Variants in SLC9A9 observed in about 807,000 individuals in gnomAD.
SLC9A9 encodes the protein sodium/hydrogen exchanger 9.
SLC9A9 carries 62 observed loss-of-function variants against 77.8 expected under a neutral mutation model. That is an observed-to-expected ratio of 0.80 (90% confidence interval 0.65 to 0.98). The LOEUF is 0.98. Among genes scored for constraint, SLC9A9 ranks in the 50% least tolerant of loss-of-function variants. The probability of loss-of-function intolerance (pLI) is 0.00; values close to 1 mark genes in which losing one functional copy is unlikely to be tolerated. For synonymous variants in SLC9A9, 320 were observed against 283.5 expected (o/e 1.13, Z -1.29); for missense variants, 775 against 774.9 (o/e 1.00, Z 0.00).
At chr3:143,355,317 C>G (rs1468027062) in intron 14 of SLC9A9, among the ~76,000 whole-genome samples, 1 of 152,128 alleles carries the variant, frequency 6.6e-6, no homozygotes, top group African/African-American at 2.4e-5. Flanking sequence ...TACATGATGC[C>G]TGTCTTTAAG....
chr3:143,658,995 A>G (rs1387228649), intron 5 of SLC9A9, among the ~76,000 whole-genome samples: 4 of 152,220 alleles, frequency 2.6e-5, no homozygotes, highest in South Asian at 4.1e-4. Context: ...GAACATAAAC[A>G]TTTAACAAAG....
chr3:143,460,188 G>A (rs533908706), intron 12 of SLC9A9, among the ~76,000 whole-genome samples: 18 of 152,184 alleles, frequency 1.2e-4, no homozygotes, highest in African/African-American at 4.1e-4. Context: ...GAAACAAAAC[G>A]AAAACTCACC....
intron 5 of SLC9A9, among the ~76,000 whole-genome samples, chr3:143,656,245 G>A (rs1320623012): frequency 6.6e-6 from 1 of 152,178 alleles, no homozygotes; most frequent in East Asian, 1.9e-4. Flanking sequence ...GAGAAAAACT[G>A]TAACACTAAA....
chr3:143,600,535 G>A (rs1048404105), intron 6 of SLC9A9, among the ~76,000 whole-genome samples: 3 of 152,138 alleles, frequency 2.0e-5, no homozygotes, highest in African/African-American at 7.2e-5. Flanking sequence ...TGGGTAAGTT[G>A]AGCTTTAAAG....
chr3:143,776,286 AAC>A (rs1404628189), intron 4 of SLC9A9, among the ~76,000 whole-genome samples: 6 of 152,232 alleles, frequency 3.9e-5, no homozygotes, highest in Admixed American at 2.0e-4. Context: ...GGTCATTATT[AAC>A]AGTACTCTTA....
At chr3:143,426,830 G>A (rs56078024) in intron 12 of SLC9A9, among the ~76,000 whole-genome samples, 13,071 of 152,218 alleles carry the variant, frequency 0.086, 743 homozygotes, top group South Asian at 0.17. Flanking sequence ...ATCCTCACAA[G>A]GACCCTCTGA....
chr3:143,791,886 A>G (rs551508178), intron 4 of SLC9A9, among the ~76,000 whole-genome samples: 101 of 152,356 alleles, frequency 6.6e-4, no homozygotes, highest in African/African-American at 2.3e-3. Context: ...TCCTACTGGG[A>G]TAATGAAGAA....
intron 5 of SLC9A9, among the ~76,000 whole-genome samples, chr3:143,654,074 T>C (rs2038845605): frequency 6.6e-6 from 1 of 152,218 alleles, no homozygotes; most frequent in Admixed American, 6.5e-5. Context: ...TTGTACAACA[T>C]GTGACTATAT....
intron 14 of SLC9A9, among the ~76,000 whole-genome samples, chr3:143,352,393 C>T (rs908639531): frequency 6.6e-6 from 1 of 152,090 alleles, no homozygotes; most frequent in Non-Finnish European, 1.5e-5. Context: ...TGTTTATAGG[C>T]GACAGGTCAG....
intron 4 of SLC9A9, among the ~76,000 whole-genome samples, chr3:143,704,510 C>T (rs200221110): frequency 6.6e-6 from 1 of 152,116 alleles, no homozygotes; most frequent in African/African-American, 2.4e-5. Flanking sequence ...GCATTTGATA[C>T]AGCTTAACAT....
chr3:143,825,355 G>A (rs2009271753), intron 2 of SLC9A9, among the ~76,000 whole-genome samples: 1 of 150,086 alleles, frequency 6.7e-6, no homozygotes, highest in Non-Finnish European at 1.5e-5. Flanking sequence ...AAATATATGA[G>A]AATTAAAACT....
At chr3:143,713,475 C>T (rs1934250189) in intron 4 of SLC9A9, among the ~76,000 whole-genome samples, 1 of 152,120 alleles carries the variant, frequency 6.6e-6, no homozygotes, top group African/African-American at 2.4e-5. Context: ...AGGATTTAAT[C>T]TATGTTGCTC....
chr3:143,473,933 A>C (rs560489787), intron 11 of SLC9A9, among the ~76,000 whole-genome samples: 1 of 152,328 alleles, frequency 6.6e-6, no homozygotes, highest in Admixed American at 6.5e-5. Flanking sequence ...CCTTAATTTA[A>C]AGGTGTTTCT....
chr3:143,834,157 T>C (rs970084418), intron 1 of SLC9A9, among the ~76,000 whole-genome samples: 1 of 152,206 alleles, frequency 6.6e-6, no homozygotes, highest in African/African-American at 2.4e-5. Context: ...CTTCAGTGTT[T>C]GGCTGACTCC....
intron 14 of SLC9A9, among the ~76,000 whole-genome samples, chr3:143,285,924 A>AGGTTCTATTCATGAGCC (rs1938368044): frequency 6.6e-6 from 1 of 152,084 alleles, no homozygotes; most frequent in African/African-American, 2.4e-5. Context: ...AGTTTTGAGG[A>AGGTTCTATTCATGAGCC]GGTTCTATTC....
At chr3:143,648,390 C>T (rs1316560514) in intron 6 of SLC9A9, among the ~76,000 whole-genome samples, 1 of 152,110 alleles carries the variant, frequency 6.6e-6, no homozygotes, top group East Asian at 1.9e-4. Flanking sequence ...CAACCTAGAT[C>T]CCTCACATGC....
rs184128501 is a variant in SLC9A9, at chr3:143,650,033, G to A, written c.755+2222C>T. Among the ~76,000 whole-genome samples the A allele has an allele frequency of 5.3e-5, 8 of 152,266 alleles. No individual in the cohort carries two copies. The East Asian group carries it at 1.5e-3, about 29-fold the overall frequency. ...GGGTGAAGCAGAAGCTCAGCCCATG[G>A]GCTGGTGGTTCCCAAAGAAGGAGAC... is the stretch of plus-strand genomic sequence containing the variant. On this transcript the variant is annotated intron_variant, in intron 6 of 15. Transcript: ENST00000316549.
At chr3:143,526,348 C>T (rs1372617114) in intron 9 of SLC9A9, among the ~76,000 whole-genome samples, 1 of 152,214 alleles carries the variant, frequency 6.6e-6, no homozygotes, top group African/African-American at 2.4e-5. Context: ...ACATGAATGG[C>T]TGCCCAGGAA....
chr3:143,536,743 G>A (rs948689186), intron 9 of SLC9A9, among the ~76,000 whole-genome samples: 10 of 152,184 alleles, frequency 6.6e-5, no homozygotes, highest in African/African-American at 2.4e-4. Flanking sequence ...TATACAAATA[G>A]CCAAATCTTG....
Sources: allele counts gnomAD v4.1 joint callset (sites outside exome capture counted in the v4.1 genomes callset), GRCh38; gene constraint gnomAD v4.1.1; transcripts MANE v1.5; gene names NCBI Gene and HGNC (gene_info 2026-07-23, HGNC 2026-07-21).